The following MTMR10 variants were observed in gnomAD, a reference collection of about 807,000 sequenced individuals.
MTMR10 encodes myotubularin-related protein 10.
MTMR10 carries 56 observed loss-of-function variants against 88.1 expected under a neutral mutation model. The observed-to-expected ratio is 0.64, with a 90% confidence interval of 0.51 to 0.79. MTMR10 has a LOEUF of 0.79. Among genes scored for constraint, MTMR10 ranks in the 30% least tolerant of loss-of-function variants. MTMR10 has a pLI of 0.00. For missense variants in MTMR10, 883 were observed against 924.7 expected (o/e 0.95, Z 0.58); for synonymous variants, 380 against 340.9 (o/e 1.11, Z -1.26).
chr15:30,933,657 T>A, the MTMR10 span, among the ~76,000 whole-genome samples: 4 of 152,244 alleles, frequency 2.6e-5, no homozygotes, highest in Non-Finnish European at 5.9e-5. Context: ...TAGTGTTGTT[T>A]AAGTTGTCTG....
the MTMR10 span, chr15:30,927,189 A>G: frequency 1.0e-4 from 102 of 972,594 alleles, 1 homozygote; most frequent in African/African-American, 1.7e-3. Context: ...AGTCTGGGTG[A>G]CAGAGTGAGA....
rs1430656536 is a variant in MTMR10 at position 30,944,308 on chromosome 15, T to C, written c.1549-1236A>G. Among the ~76,000 whole-genome samples, 4 of 152,338 alleles carry C rather than the reference T, an allele frequency of 2.6e-5. No individual in the cohort carries two copies. The East Asian group carries it at 7.7e-4, about 29-fold the overall frequency. Reference sequence around the variant, plus strand: ...GCCAGGCGCAGTGGTGACTCATGCCTGTAATCCCAGCACTTTGGGAGGCCG... The same window carrying C: ...GCCAGGCGCAGTGGTGACTCATGCCCGTAATCCCAGCACTTTGGGAGGCCG... On this transcript the variant is annotated intron_variant, in intron 14 of 15. Transcript: ENST00000435680.
In MTMR10 at chr15:30,942,949, T is replaced by C. The variant is rs1406692786; in HGVS notation, c.1672A>G (p.Ile558Val). The C allele has an allele frequency of 2.6e-6, 4 of 1,564,288 alleles. No individual in the cohort carries two copies. Among genetic ancestry groups the C allele is most frequent in the Non-Finnish European group, 3.5e-6 (4 of 1,152,252 alleles). Residue 558 changes from isoleucine to valine, a missense_variant, in exon 15 of 16, where the codon ATT (isoleucine) becomes GTT (valine). By Grantham distance (29) the Ile-to-Val change is conservative. Transcript: ENST00000435680. ...TGTATACAAGGTGTGCTCTTTCCAA[T>C]GTAGAAGGGGTTATGGAAAAGGGTG... Reference protein sequence around the residue: ...DRTLFHNPFYIGKSTPCIQNG... With the variant: ...DRTLFHNPFYVGKSTPCIQNG...
intron 6 of MTMR10, among the ~76,000 whole-genome samples, chr15:30,962,926 T>C (rs77355339): frequency 0.015 from 2,280 of 152,044 alleles, 59 homozygotes; most frequent in African/African-American, 0.053. Flanking sequence ...GAGGAGGAGG[T>C]AGGCATGCTA....
At chr15:30,980,811 G>GAATTGAGA (rs2030518050) in intron 2 of MTMR10, among the ~76,000 whole-genome samples, 8 of 152,110 alleles carry the variant, frequency 5.3e-5, no homozygotes, top group African/African-American at 2.4e-5. Context: ...ACTCTCAATG[G>GAATTGAGA]CCAAAGCTGG....
chr15:30,928,832 G>A, the MTMR10 span: 8 of 959,290 alleles, frequency 8.3e-6, no homozygotes, highest in Non-Finnish European at 8.7e-6. Context: ...AATTTAAGAT[G>A]TAAGTATGTG....
intron 10 of MTMR10, 150 bp downstream of exon 10, chr15:30,954,613 C>T: frequency 1.2e-6 from 1 of 857,888 alleles, no homozygotes. Context: ...TTCTGAAGTT[C>T]TCATACAATA....
At position 30,939,014 on chromosome 15, in the gene MTMR10, A is replaced by G; in HGVS notation, c.*2456T>C. 1 of 985,226 alleles carries G rather than the reference A, an allele frequency of 1.0e-6. No homozygotes were observed. Among genetic ancestry groups the G allele is most frequent in the Non-Finnish European group, 1.2e-6 (1 of 829,762 alleles). 61.0% of individuals were successfully genotyped at this position (985,226 alleles called of 1,614,324 possible). ...CAATACTGTTGAACAACAAGATAACACATCTTCTTGCTCATCCCACTTGAA... is the reference window on the plus strand; with the variant it reads ...CAATACTGTTGAACAACAAGATAACGCATCTTCTTGCTCATCCCACTTGAA... On this transcript the variant is annotated 3_prime_UTR_variant, in exon 16 of 16. Transcript: ENST00000435680.
chr15:30,939,415 C>T lies in MTMR10; in HGVS notation c.*2055G>A, dbSNP rs895202486. 1.5e-4 allele frequency: 147 copies of T among 985,324 alleles called. No homozygotes were observed. The highest frequency in any genetic ancestry group is 1.7e-4 in the Non-Finnish European group (139 of 829,936). 61.0% of individuals were successfully genotyped at this position (985,324 alleles called of 1,614,324 possible). On this transcript the variant is annotated 3_prime_UTR_variant, in exon 16 of 16. Coordinates refer to ENST00000435680, the MANE Select transcript of MTMR10 (RefSeq NM_017762.3). ...CTGCTGTCACCACATGTCCCTCTGA[C>T]GGCAGAGGTGGTATAAGCAGCTTCA...
At chr15:30,973,917 T>C (rs1226184994) in intron 5 of MTMR10, among the ~76,000 whole-genome samples, 1 of 152,232 alleles carries the variant, frequency 6.6e-6, no homozygotes, top group Non-Finnish European at 1.5e-5. Context: ...AAATCTTATG[T>C]AACATAAGTC....
intron 2 of MTMR10, among the ~76,000 whole-genome samples, chr15:30,986,030 A>G (rs2030917164): frequency 6.6e-6 from 1 of 152,144 alleles, no homozygotes. Flanking sequence ...AGGATGGTGG[A>G]AGGGGGCTGG....
At chr15:30,949,122 C>T (rs2063209471) in intron 12 of MTMR10, 1 of 152,268 alleles carries the variant, frequency 6.6e-6, no homozygotes, top group Admixed American at 6.5e-5. Flanking sequence ...ACAAAACCAA[C>T]ACGATTATCT....
the MTMR10 span, chr15:30,925,385 T>G: frequency 3.3e-6 from 4 of 1,204,390 alleles, no homozygotes; most frequent in Admixed American, 2.4e-5. Flanking sequence ...GAGTGTGTGT[T>G]TTCTTTTAGA....
chr15:30,989,126 C>A (rs1310897823), intron 2 of MTMR10, among the ~76,000 whole-genome samples: 1 of 151,990 alleles, frequency 6.6e-6, no homozygotes, highest in East Asian at 1.9e-4. Flanking sequence ...AAGAACCAGG[C>A]CTGTTCAGAG....
the MTMR10 span, among the ~76,000 whole-genome samples, chr15:30,930,127 G>A: frequency 1.3e-5 from 2 of 150,600 alleles, no homozygotes; most frequent in Non-Finnish European, 2.9e-5. Context: ...TGTTAGAAAA[G>A]CCCCAGCTGT....
In MTMR10 at chr15:30,977,005, C is replaced by T. The variant is rs147933151; in HGVS notation, c.122-50G>A. 421 of 1,558,172 alleles carry T rather than the reference C, an allele frequency of 2.7e-4. 2 individuals are homozygous for T. The East Asian group carries it at 5.6e-3, about 21-fold the overall frequency. ...AAGGTACTTTGTCATAAAATACCAA[C>T]GGTCTTTGTGGGACCTAGAAGGAGT... is the stretch of plus-strand genomic sequence containing the variant. On this transcript the variant is annotated intron_variant, in intron 2 of 15. Coordinates refer to ENST00000435680, the MANE Select transcript of MTMR10 (RefSeq NM_017762.3).
chr15:30,955,267 T>C (rs189535111), intron 9 of MTMR10, among the ~76,000 whole-genome samples: 1 of 152,198 alleles, frequency 6.6e-6, no homozygotes, highest in East Asian at 1.9e-4. Flanking sequence ...ACAAATTAGA[T>C]CATTTCCTTC....
In MTMR10 at chr15:30,963,236, G is replaced by A. The variant is rs138966599; in HGVS notation, c.566-2163C>T. ...GGCTGCCCTACTTCCATCACTGGAC[G>A]GTGCTGCTCTAGATTACGGAGGGGC... is the stretch of plus-strand genomic sequence containing the variant. On this transcript the variant is annotated intron_variant, in intron 6 of 15. Coordinates refer to ENST00000435680, the MANE Select transcript of MTMR10 (RefSeq NM_017762.3). Among the ~76,000 whole-genome samples, 278 of 152,220 alleles carry A rather than the reference G, an allele frequency of 1.8e-3. 2 individuals carry two copies. The highest frequency in any genetic ancestry group is 6.2e-3 in the African/African-American group (258 of 41,536).
chr15:30,981,856 G>A (rs1390689758), intron 2 of MTMR10, among the ~76,000 whole-genome samples: 4 of 152,076 alleles, frequency 2.6e-5, no homozygotes, highest in Non-Finnish European at 5.9e-5. Context: ...GATCACTTGA[G>A]GTCAGGAGTT....
Sources: gnomAD v4.1 joint callset for allele counts (sites outside exome capture counted in the v4.1 genomes callset) on GRCh38, gnomAD v4.1.1 for gene constraint, MANE v1.5 for transcripts, NCBI Gene and HGNC (gene_info 2026-07-23, HGNC 2026-07-21) for gene names.